The following CRB2 variants were observed in gnomAD, a reference collection of about 807,000 sequenced individuals.
CRB2 encodes the protein crumbs cell polarity complex component 2.
CRB2 carries 85 observed loss-of-function variants against 110.9 expected under a neutral mutation model. The observed-to-expected ratio is 0.77, with a 90% CI of 0.64 to 0.92. CRB2 has a LOEUF of 0.92. Among genes scored for constraint, CRB2 ranks in the 40% least tolerant of loss-of-function variants. CRB2 has a pLI of 0.00. For synonymous variants in CRB2, 907 were observed against 831.0 expected (o/e 1.09, Z -1.57); for missense variants, 1,843 against 1,851.3 (o/e 1.00, Z 0.08).
At chr9:123,363,291 GC>G in intron 2 of CRB2, 103 bp downstream of exon 2, 4 of 1,251,052 alleles carry the variant, frequency 3.2e-6, no homozygotes, top group South Asian at 1.5e-5. Context: ...GTGTAGGGAC[GC>G]CCCCAGGCAT....
At chr9:123,372,456 C>G in intron 9 of CRB2, 114 bp downstream of exon 9, 1 of 1,382,466 alleles carries the variant, frequency 7.2e-7, no homozygotes, top group Non-Finnish European at 9.7e-7. Flanking sequence ...ATGCCAAGCC[C>G]TAGGGCAGTG....
chr9:123,373,485 C>A lies in CRB2; in HGVS notation c.2954C>A (p.Ala985Glu). ...LWLDGAATPV[A>E]LRGLASDLGF... ...CTGGATGGTGCCGCCACCCCGGTGGCGCTGCGCGGCCTGGCCAGTGACCTG... is the reference window on the plus strand; with the variant it reads ...CTGGATGGTGCCGCCACCCCGGTGGAGCTGCGCGGCCTGGCCAGTGACCTG... Residue 985 changes from alanine to glutamate, a missense_variant, in exon 10 of 13, where the codon GCG becomes GAG. Ala to Glu is a moderately radical substitution (Grantham distance 107). Transcript: ENST00000373631. 6.9e-7 allele frequency: 1 copy of A among 1,448,324 alleles called. No individual in the cohort carries two copies. Among genetic ancestry groups the A allele is most frequent in the East Asian group, 3.0e-5 (1 of 33,710 alleles). 89.7% of individuals were successfully genotyped at this position (1,448,324 alleles called of 1,614,324 possible).
chr9:123,374,847 C>G, intron 11 of CRB2, 152 bp downstream of exon 11: 3 of 634,006 alleles, frequency 4.7e-6, no homozygotes, highest in Non-Finnish European at 5.5e-6. Context: ...CCATGACTCG[C>G]AAGACCATCC....
chr9:123,367,732 C>A, intron 6 of CRB2, 46 bp downstream of exon 6: 1 of 1,285,446 alleles, frequency 7.8e-7, no homozygotes, highest in Non-Finnish European at 1.1e-6. Flanking sequence ...ATTGGTGGTC[C>A]TCAGGTGAGA....
intron 1 of CRB2, among the ~76,000 whole-genome samples, chr9:123,359,015 C>T (rs1300777441): frequency 6.6e-6 from 1 of 152,144 alleles, no homozygotes; most frequent in Non-Finnish European, 1.5e-5. Flanking sequence ...GAGGTAACTC[C>T]CTGGAACTGT....
At chr9:123,367,833 C>G in intron 6 of CRB2, 147 bp downstream of exon 6, 1 of 631,366 alleles carries the variant, frequency 1.6e-6, no homozygotes, top group South Asian at 1.9e-5. Context: ...CTGAGGGTGG[C>G]TGAACTGGGA....
chr9:123,364,027 G>A (rs931301936), intron 2 of CRB2, among the ~76,000 whole-genome samples: 6 of 152,200 alleles, frequency 3.9e-5, no homozygotes, highest in African/African-American at 1.2e-4. Flanking sequence ...GAGGGCAGAG[G>A]GCAGTTTGAA....
intron 1 of CRB2, among the ~76,000 whole-genome samples, chr9:123,361,558 T>C (rs2041869039): frequency 1.5e-5 from 2 of 137,088 alleles, no homozygotes; most frequent in Admixed American, 8.0e-5. Flanking sequence ...GTCTGGTGAG[T>C]GTCTAGATGA....
chr9:123,376,879 G>A lies in CRB2; in HGVS notation c.3675G>A (p.Val1225=). 6.2e-7 allele frequency: 1 copy of A among 1,610,038 alleles called. No homozygotes were observed. The highest frequency in any genetic ancestry group is 1.3e-5 in the African/African-American group (1 of 74,992). The change falls in exon 13 of 13, where the codon GTG becomes GTA. Residue 1225 remains valine, a synonymous_variant. Transcript: ENST00000373631. ...CGCTGCCATTCCCACTGCTGGAGGT[G>A]GCCGTACCTGCAGCCTGTGCCTGCC... is the stretch of plus-strand genomic sequence containing the variant. ...PLPLPFPLLE[V]AVPAACACLL... is the part of the protein sequence containing the mutation.
At chr9:123,367,449 CCA>C in intron 5 of CRB2, 92 bp downstream of exon 5, 3 of 300,838 alleles carry the variant, frequency 1.0e-5, no homozygotes, top group East Asian at 9.5e-5. Flanking sequence ...CCCCCCCACC[CCA>C]CACCCCACAC....
intron 11 of CRB2, 59 bp from the exon 12 acceptor site, chr9:123,375,158 T>A (rs1197911786): frequency 1.2e-6 from 2 of 1,607,518 alleles, no homozygotes; most frequent in Non-Finnish European, 1.7e-6. Context: ...GCAGAGCAGC[T>A]GGGAGCACAA....
At chr9:123,372,069 G>C in intron 8 of CRB2, 108 bp from the exon 9 acceptor site, 1 of 1,091,522 alleles carries the variant, frequency 9.2e-7, no homozygotes, top group Non-Finnish European at 1.4e-6. Flanking sequence ...TTTGTGAGGA[G>C]ATACTGTGTC....
At chr9:123,366,479 G>C in intron 4 of CRB2, 113 bp downstream of exon 4, 1 of 1,289,754 alleles carries the variant, frequency 7.8e-7, no homozygotes, top group Non-Finnish European at 1.0e-6. Context: ...TGGGTCCTCG[G>C]GACCAGAGTG....
rs759456289 is a variant in CRB2, at chr9:123,377,367, AGT to A, written c.*315_*316del. The A allele has an allele frequency of 5.2e-4, 176 of 340,154 alleles. No homozygotes were observed. The highest frequency in any genetic ancestry group is 7.8e-4 in the African/African-American group (37 of 47,518). 21.1% of individuals were successfully genotyped at this position (340,154 alleles called of 1,614,324 possible). On this transcript the variant is annotated 3_prime_UTR_variant, in exon 13 of 13. Transcript: ENST00000373631. ...GTTCAGGAGTGTGTGTATCTGGAGG[AGT>A]GTGTGTGTGAGTGTGTACCTGGGCC... is the stretch of plus-strand genomic sequence containing the variant.
intron 6 of CRB2, among the ~76,000 whole-genome samples, chr9:123,368,171 T>A (rs2041963798): frequency 6.6e-6 from 1 of 152,054 alleles, no homozygotes; most frequent in Admixed American, 6.5e-5. Flanking sequence ...TGAACGTCCC[T>A]GCCCCCTCTG....
intron 5 of CRB2, 88 bp downstream of exon 5, chr9:123,367,445 C>CCACCCCCCA: frequency 3.8e-6 from 1 of 261,054 alleles, no homozygotes. Flanking sequence ...CCCACCCCCC[C>CCACCCCCCA]ACCCCACACC....
At position 123,370,443 on chromosome 9, in the gene CRB2, A is replaced by T; in HGVS notation, c.1390A>T (p.Arg464Trp). 6.2e-7 allele frequency: 1 copy of T among 1,613,382 alleles called. No individual in the cohort carries two copies. Among genetic ancestry groups the T allele is most frequent in the Non-Finnish European group, 8.5e-7 (1 of 1,180,006 alleles). Residue 464 changes from arginine to tryptophan, a missense_variant, in exon 7 of 13, where the codon AGG becomes TGG. Transcript: ENST00000373631. The part of the protein sequence containing the change: ...PAGGPLGLAL[R>W]FRTTLPAGTL... ...TGGTGGCCCCCTGGGTCTGGCACTGAGGTTTCGCACCACACTGCCCGCTGG... is the reference window on the plus strand; with the variant it reads ...TGGTGGCCCCCTGGGTCTGGCACTGTGGTTTCGCACCACACTGCCCGCTGG...
rs375773781 is a variant in CRB2 at position 123,359,441 on chromosome 9, G to GTTTTTTTTTTTTTTTTT, written c.94+3096_94+3112dup. On this transcript the variant is annotated intron_variant, in intron 1 of 12. Coordinates refer to ENST00000373631, the MANE Select transcript of CRB2 (RefSeq NM_173689.7). Reference sequence around the variant, plus strand: ...GTTTGTGGTTTTTCGTTTTTGTTTTGTTTTTTTTTTTTTTTTTTTTTTTTT... The same window carrying GTTTTTTTTTTTTTTTTT: ...GTTTGTGGTTTTTCGTTTTTGTTTTGTTTTTTTTTTTTTTTTTTTTTTTTTTTTTTTTTTTTTTTTTT... Among the ~76,000 whole-genome samples the GTTTTTTTTTTTTTTTTT allele has an allele frequency of 3.1e-4, 29 of 94,412 alleles. 1 individual carries two copies. Among genetic ancestry groups the GTTTTTTTTTTTTTTTTT allele is most frequent in the Non-Finnish European group, 4.4e-4 (23 of 52,620 alleles). The allele number at this position is 94,412 out of a possible 152,430, so 61.9% of individuals were successfully genotyped here.
chr9:123,378,968 T>C (rs946706915), downstream of CRB2, among the ~76,000 whole-genome samples: 2 of 151,732 alleles, frequency 1.3e-5, no homozygotes, highest in African/African-American at 2.4e-5. Context: ...TGCCTGCTTT[T>C]AGTAGAGACG....
Sources: gnomAD v4.1 joint callset for allele counts (sites outside exome capture counted in the v4.1 genomes callset) on GRCh38, gnomAD v4.1.1 for gene constraint, MANE v1.5 for transcripts, NCBI Gene and HGNC (gene_info 2026-07-23, HGNC 2026-07-21) for gene names.